HENMT1: variants seen among roughly 807,000 people sequenced by gnomAD.
HENMT1 encodes the protein small RNA 2'-O-methyltransferase.
Under a neutral mutation model 31.1 loss-of-function variants are expected in HENMT1, and 27 were observed. The observed-to-expected ratio is 0.87, with a 90% confidence interval of 0.64 to 1.20. HENMT1 has a LOEUF of 1.20. Among genes scored for constraint, HENMT1 ranks in the 50% most tolerant of loss-of-function variants. The probability of loss-of-function intolerance (pLI) is 0.00; values close to 1 mark genes in which losing one functional copy is unlikely to be tolerated. For synonymous variants in HENMT1, 167 were observed against 172.2 expected (o/e 0.97, Z 0.24); for missense variants, 438 against 469.6 (o/e 0.93, Z 0.62).
Position 108,657,545 on chromosome 1 carries a change from A to G in HENMT1, c.56T>C (p.Val19Ala), listed in dbSNP as rs1404093081. The G allele has an allele frequency of 3.1e-6, 5 of 1,613,622 alleles. No homozygotes were observed. Among genetic ancestry groups the G allele is most frequent in the South Asian group, 2.2e-5 (2 of 91,090 alleles). ...AAACTGAATTGCCGTCTCCCTGGGA[A>G]CTTCTTCAAAATTACCGTCAACCAC... ...SSVVDGNFEE[V>A]PRETAIQFKP... The change falls in exon 3 of 8, where the codon GTT becomes GCT. Residue 19 changes from valine (V) to alanine (A), a missense_variant. Coordinates refer to ENST00000651461, the MANE Select transcript of HENMT1 (RefSeq NM_001102592.2).
At chr1:108,653,603 G>A (rs1009580714) in intron 5 of HENMT1, among the ~76,000 whole-genome samples, 3 of 152,112 alleles carry the variant, frequency 2.0e-5, no homozygotes, top group Non-Finnish European at 2.9e-5. Context: ...AGCATTTACT[G>A]TCTTTTTAAT....
chr1:108,661,473 T>G (rs1474156324), upstream of HENMT1: 1 of 152,318 alleles, frequency 6.6e-6, no homozygotes, highest in Admixed American at 6.5e-5. Context: ...GGAAGGCGGC[T>G]TGGGCGGCTG....
At chr1:108,654,067 G>A (rs1400573754) in intron 5 of HENMT1, among the ~76,000 whole-genome samples, 1 of 152,154 alleles carries the variant, frequency 6.6e-6, no homozygotes, top group Non-Finnish European at 1.5e-5. Context: ...CTTGTATACA[G>A]TGAGAGATAG....
At chr1:108,651,428 C>G (rs1224041662) in intron 5 of HENMT1, 4 of 485,230 alleles carry the variant, frequency 8.2e-6, no homozygotes, top group Non-Finnish European at 1.5e-5. Context: ...ATGGATCACC[C>G]AAGGTCAAGA....
At chr1:108,657,898 G>T (rs542107452) in intron 2 of HENMT1, among the ~76,000 whole-genome samples, 1 of 151,946 alleles carries the variant, frequency 6.6e-6, no homozygotes, top group Admixed American at 6.6e-5. Flanking sequence ...GACCTTTTGT[G>T]GAGTGAGTCG....
rs1570628827 is a variant in HENMT1 at position 108,648,459 on chromosome 1, G to T, written c.*107C>A. On this transcript the variant is annotated 3_prime_UTR_variant, in exon 8 of 8. Transcript: ENST00000651461. Reference sequence around the variant, plus strand: ...ATGGCTTGGAACATAGACTTTTGCAGTGAAACTTTAAAAACATTACTTGAA... The same window carrying T: ...ATGGCTTGGAACATAGACTTTTGCATTGAAACTTTAAAAACATTACTTGAA... 2 of 972,272 alleles carry T rather than the reference G, an allele frequency of 2.1e-6. No individual in the cohort carries two copies. The highest frequency in any genetic ancestry group is 5.2e-5 in the East Asian group (2 of 38,272). The allele number at this position is 972,272 out of a possible 1,614,324, so 60.2% of individuals were successfully genotyped here.
chr1:108,652,316 T>C (rs772712748), intron 5 of HENMT1, among the ~76,000 whole-genome samples: 3 of 152,296 alleles, frequency 2.0e-5, no homozygotes, highest in South Asian at 2.1e-4. Flanking sequence ...AGAATATACA[T>C]ACCAAGGTAT....
chr1:108,648,953 C>A lies in HENMT1; in HGVS notation c.795G>T (p.Arg265Ser). The change falls in exon 8 of 8, where the codon AGG becomes AGT. Residue 265 changes from arginine (R) to serine (S), a missense_variant. Transcript: ENST00000651461. ...TTSYPSLQQE[R>S]FFKLVLVNEV... ...CATTAACCAACACAAGTTTAAAGAA[C>A]CTTTCCTGCTGTAAGCTTGGGTATG... 1.2e-6 allele frequency: 2 copies of A among 1,610,948 alleles called. No homozygotes were observed. The highest frequency in any genetic ancestry group is 8.5e-7 in the Non-Finnish European group (1 of 1,177,794).
chr1:108,661,284 C>G (rs1033847339), upstream of HENMT1: 1 of 152,294 alleles, frequency 6.6e-6, no homozygotes. Flanking sequence ...TTTTGCGTCT[C>G]GTAACGGCCG....
chr1:108,650,367 G>C lies in HENMT1; in HGVS notation c.600C>G (p.Arg200=), dbSNP rs1448202400. 1.2e-6 allele frequency: 2 copies of C among 1,613,310 alleles called. No homozygotes were observed. The highest frequency in any genetic ancestry group is 2.7e-5 in the African/African-American group (2 of 74,846). The change falls in exon 7 of 8, where the codon CGC becomes CGG. Residue 200 remains arginine, a synonymous_variant. Coordinates refer to ENST00000651461, the MANE Select transcript of HENMT1 (RefSeq NM_001102592.2). ...FQTWALYVAN[R]YDYSVEFTGV... ...CAGTAAACTCCACAGAGTAATCATAGCGATTTGCCACATATAAAGCCCTGA... is the reference window on the plus strand; with the variant it reads ...CAGTAAACTCCACAGAGTAATCATACCGATTTGCCACATATAAAGCCCTGA...
Position 108,653,032 on chromosome 1 carries a change from C to CCT in HENMT1, c.398+1683_398+1684insAG, listed in dbSNP as rs1553183320. Among the ~76,000 whole-genome samples, 48 of 143,076 alleles carry CCT rather than the reference C, an allele frequency of 3.4e-4. 2 individuals are homozygous for CCT. Among genetic ancestry groups the CCT allele is most frequent in the African/African-American group, 1.1e-3 (42 of 39,172 alleles). The allele number at this position is 143,076 out of a possible 152,430, so 93.9% of individuals were successfully genotyped here. On this transcript the variant is annotated intron_variant, in intron 5 of 7. Transcript: ENST00000651461. ...AGTATTCCATTGTGCATATACATCC[C>CCT]TTTTTTTTTTTTGAGACGGAGTTTT...
At chr1:108,649,510 G>A in intron 7 of HENMT1, 2 of 387,254 alleles carry the variant, frequency 5.2e-6, no homozygotes, top group South Asian at 3.9e-5. Context: ...TAGCTACTTA[G>A]GAGGCTCAAG....
Position 108,653,715 on chromosome 1 carries a change from T to C in HENMT1, c.398+1001A>G, listed in dbSNP as rs142918613. ...TTTTTTCATCTACTTGTTAACCATC[T>C]GTATGTCTTTTGAGAAATATCTGTT... On this transcript the variant is annotated intron_variant, in intron 5 of 7. Coordinates refer to ENST00000651461, the MANE Select transcript of HENMT1 (RefSeq NM_001102592.2). Among the ~76,000 whole-genome samples the C allele has an allele frequency of 2.8e-3, 434 of 152,338 alleles. 3 individuals carry two copies. The highest frequency in any genetic ancestry group is 0.01 in the African/African-American group (418 of 41,566).
At chr1:108,650,443 A>G (rs1254458644) in intron 6 of HENMT1, 55 bp from the exon 7 acceptor site, 4 of 1,465,042 alleles carry the variant, frequency 2.7e-6, no homozygotes, top group Non-Finnish European at 2.8e-6. Flanking sequence ...CTACTGTTAA[A>G]TAAGGAACCA....
intron 6 of HENMT1, 123 bp from the exon 7 acceptor site, chr1:108,650,511 G>T: frequency 1.2e-6 from 1 of 846,444 alleles, no homozygotes; most frequent in Non-Finnish European, 1.8e-6. Flanking sequence ...ATACTTCTAA[G>T]TTACAAATTC....
intron 7 of HENMT1, among the ~76,000 whole-genome samples, chr1:108,649,783 C>T (rs1170606809): frequency 6.6e-6 from 1 of 152,104 alleles, no homozygotes; most frequent in Non-Finnish European, 1.5e-5. Context: ...TAACAGATTA[C>T]AAAAAGAGGT....
At chr1:108,654,502 G>T (rs186533669) in intron 5 of HENMT1, among the ~76,000 whole-genome samples, 257 of 152,210 alleles carry the variant, frequency 1.7e-3, no homozygotes, top group African/African-American at 5.9e-3. Flanking sequence ...GGGGGGTATA[G>T]GTATTCTTGG....
At chr1:108,655,760 C>T (rs1454079396) in intron 3 of HENMT1, 62 bp from the exon 4 acceptor site, 1 of 1,084,898 alleles carries the variant, frequency 9.2e-7, no homozygotes, top group East Asian at 2.6e-5. Flanking sequence ...TGATCAAAAA[C>T]TTTTTTTTGA....
chr1:108,659,892 C>T lies in HENMT1; in HGVS notation c.-8G>A, dbSNP rs374033087. The T allele has an allele frequency of 2.1e-5, 33 of 1,598,680 alleles. No homozygotes were observed. In the African/African-American group the frequency reaches 4.5e-4, roughly 22 times the overall value. On this transcript the variant is annotated 5_prime_UTR_variant, in exon 2 of 8. Coordinates refer to ENST00000651461, the MANE Select transcript of HENMT1 (RefSeq NM_001102592.2). ...TAGATTATTTTCTTCCATTTTGTTT[C>T]GAAGTTTTGTTGAAACAAAAATGAA...
Sources: gnomAD v4.1 joint callset for allele counts (sites outside exome capture counted in the v4.1 genomes callset) on GRCh38, gnomAD v4.1.1 for gene constraint, MANE v1.5 for transcripts, NCBI Gene and HGNC (gene_info 2026-07-23, HGNC 2026-07-21) for gene names.